Variants in ADAMTS6 observed in about 807,000 individuals in gnomAD.
The protein encoded by ADAMTS6 is A disintegrin and metalloproteinase with thrombospondin motifs 6.
ADAMTS6 carries 23 observed loss-of-function variants against 144.3 expected under a neutral mutation model. That is an observed-to-expected ratio of 0.16 (90% confidence interval 0.11 to 0.23). The LOEUF is 0.23. Ranked by LOEUF, ADAMTS6 falls within the 10% of genes least tolerant of loss-of-function variation. The pLI is 1.00. For synonymous variants in ADAMTS6, 444 were observed against 457.5 expected (o/e 0.97, Z 0.38); for missense variants, 999 against 1,379.6 (o/e 0.72, Z 4.37).
intron 7 of ADAMTS6, among the ~76,000 whole-genome samples, chr5:65,403,355 T>C (rs1335413562): frequency 1.3e-5 from 2 of 152,086 alleles, no homozygotes; most frequent in African/African-American, 2.4e-5. Flanking sequence ...TTGAATACTA[T>C]CTATATAATT....
intron 7 of ADAMTS6, among the ~76,000 whole-genome samples, chr5:65,396,920 T>C (rs1047843513): frequency 6.6e-6 from 1 of 152,214 alleles, no homozygotes; most frequent in African/African-American, 2.4e-5. Context: ...CAGTATAATT[T>C]CTTTTGTAAA....
intron 9 of ADAMTS6, among the ~76,000 whole-genome samples, chr5:65,322,662 C>T (rs1458912665): frequency 6.6e-6 from 1 of 150,432 alleles, no homozygotes; most frequent in African/African-American, 2.5e-5. Flanking sequence ...AAGTTCATTC[C>T]TGATTTGGCT....
chr5:65,174,544 G>T (rs576770307), intron 22 of ADAMTS6, among the ~76,000 whole-genome samples: 1 of 152,338 alleles, frequency 6.6e-6, no homozygotes, highest in Non-Finnish European at 1.5e-5. Context: ...GGCACTTGGA[G>T]TCTGGACATC....
chr5:65,277,006 A>T (rs1228946808), intron 11 of ADAMTS6, among the ~76,000 whole-genome samples: 5 of 152,144 alleles, frequency 3.3e-5, no homozygotes, highest in African/African-American at 1.2e-4. Flanking sequence ...TGATAATCCT[A>T]AATTTTGTTT....
At chr5:65,321,764 G>A (rs1176945082) in intron 9 of ADAMTS6, among the ~76,000 whole-genome samples, 1 of 127,418 alleles carries the variant, frequency 7.8e-6, no homozygotes, top group Non-Finnish European at 1.6e-5. Flanking sequence ...CACCCAGGCT[G>A]GAGTGCAATG....
intron 11 of ADAMTS6, among the ~76,000 whole-genome samples, chr5:65,283,610 T>C (rs1763151207): frequency 6.6e-6 from 1 of 152,128 alleles, no homozygotes; most frequent in Non-Finnish European, 1.5e-5. Context: ...GCCTGATAAA[T>C]ATATGTTTGG....
rs141935110 is a variant in ADAMTS6, at chr5:65,235,231, G to C, written c.1933+6873C>G. ...GTATTCACATCATACACACAAAAAAGGTAAATATGTGAGGTGACGGATACA... is the reference window on the plus strand; with the variant it reads ...GTATTCACATCATACACACAAAAAACGTAAATATGTGAGGTGACGGATACA... On this transcript the variant is annotated intron_variant, in intron 15 of 24. Transcript: ENST00000381055. Among the ~76,000 whole-genome samples the C allele has an allele frequency of 6.2e-3, 951 of 152,202 alleles. 6 individuals carry two copies. Among genetic ancestry groups the C allele is most frequent in the Non-Finnish European group, 0.01 (681 of 67,996 alleles).
At chr5:65,368,737 T>A (rs562504350) in intron 7 of ADAMTS6, among the ~76,000 whole-genome samples, 43 of 152,220 alleles carry the variant, frequency 2.8e-4, no homozygotes, top group South Asian at 1.5e-3. Flanking sequence ...ACTGGCTACC[T>A]CCAAACTTCT....
At chr5:65,404,461 C>A (rs905372021) in intron 7 of ADAMTS6, among the ~76,000 whole-genome samples, 1 of 152,158 alleles carries the variant, frequency 6.6e-6, no homozygotes, top group Non-Finnish European at 1.5e-5. Flanking sequence ...CATGTCCCTA[C>A]AAAGGATATG....
intron 24 of ADAMTS6, among the ~76,000 whole-genome samples, chr5:65,154,098 C>T (rs868411891): frequency 1.3e-5 from 2 of 152,156 alleles, no homozygotes; most frequent in South Asian, 4.1e-4. Context: ...GTCCCAGCTA[C>T]TCAGGAGGCT....
chr5:65,238,439 C>CA (rs1017479164), intron 15 of ADAMTS6, among the ~76,000 whole-genome samples: 1 of 151,596 alleles, frequency 6.6e-6, no homozygotes, highest in African/African-American at 2.4e-5. Context: ...CCTGTGTCTA[C>CA]AAAAAATACA....
At chr5:65,177,849 C>A (rs763638298) in intron 22 of ADAMTS6, among the ~76,000 whole-genome samples, 1 of 152,186 alleles carries the variant, frequency 6.6e-6, no homozygotes, top group African/African-American at 2.4e-5. Context: ...GGTGGTCCTC[C>A]AGTCGACCAG....
intron 4 of ADAMTS6, among the ~76,000 whole-genome samples, chr5:65,458,434 T>C (rs766183907): frequency 1.3e-5 from 2 of 152,194 alleles, no homozygotes; most frequent in African/African-American, 4.8e-5. Context: ...GTTTTTGAGA[T>C]GGAGTCTCAC....
chr5:65,332,960 G>A lies in ADAMTS6; in HGVS notation c.1117+1082C>T, dbSNP rs190103042. Among the ~76,000 whole-genome samples the A allele has an allele frequency of 1.2e-3, 176 of 152,252 alleles. 1 individual carries two copies. The highest frequency in any genetic ancestry group is 2.0e-3 in the Non-Finnish European group (134 of 67,986). On this transcript the variant is annotated intron_variant, in intron 8 of 24. Coordinates refer to ENST00000381055, the MANE Select transcript of ADAMTS6 (RefSeq NM_197941.4). ...ATCCTAAGGGAAATGGGTAGGAGAA[G>A]CCTGGGAAGTCAGGTAAAATTATCA... is the stretch of plus-strand genomic sequence containing the variant.
In ADAMTS6 at chr5:65,328,560, T is replaced by C. The variant is rs562206073; in HGVS notation, c.1223+818A>G. Among the ~76,000 whole-genome samples, 530 of 152,086 alleles carry C rather than the reference T, an allele frequency of 3.5e-3. 1 individual carries two copies. Among genetic ancestry groups the C allele is most frequent in the South Asian group, 9.4e-3 (45 of 4,810 alleles). ...AAAAAAAAAAAATCCTGTTAGTAAA[T>C]TGGAAGCTCGTTTGTTTAGTTTTTA... On this transcript the variant is annotated intron_variant, in intron 9 of 24. Coordinates refer to ENST00000381055, the MANE Select transcript of ADAMTS6 (RefSeq NM_197941.4).
At chr5:65,370,767 C>G (rs998291839) in intron 7 of ADAMTS6, among the ~76,000 whole-genome samples, 6 of 152,216 alleles carry the variant, frequency 3.9e-5, no homozygotes, top group African/African-American at 1.4e-4. Flanking sequence ...CTGGGTGGAG[C>G]CCACCACAGC....
chr5:65,437,150 A>G (rs1757495626), intron 7 of ADAMTS6, among the ~76,000 whole-genome samples: 1 of 150,168 alleles, frequency 6.7e-6, no homozygotes, highest in Admixed American at 6.7e-5. Context: ...GCTGGAGTGC[A>G]GTGGTGCGAT....
intron 7 of ADAMTS6, among the ~76,000 whole-genome samples, chr5:65,398,630 G>A (rs1258386964): frequency 2.6e-5 from 4 of 151,970 alleles, no homozygotes; most frequent in African/African-American, 9.7e-5. Flanking sequence ...GGAGGCTGAG[G>A]CAGGAGAATC....
chr5:65,414,862 G>A (rs1407071802), intron 7 of ADAMTS6, among the ~76,000 whole-genome samples: 1 of 151,888 alleles, frequency 6.6e-6, no homozygotes, highest in African/African-American at 2.4e-5. Context: ...TAAATGTAAG[G>A]GCTAAAACTA....
Sources: allele counts gnomAD v4.1 joint callset (sites outside exome capture counted in the v4.1 genomes callset), GRCh38; gene constraint gnomAD v4.1.1; transcripts MANE v1.5; gene names NCBI Gene and HGNC (gene_info 2026-07-23, HGNC 2026-07-21).